The following SCEL variants were observed in gnomAD, a reference collection of about 807,000 sequenced individuals.
The protein encoded by SCEL is sciellin.
SCEL carries 113 observed loss-of-function variants against 117.6 expected under a neutral mutation model. The observed-to-expected ratio is 0.96, with a 90% CI of 0.83 to 1.12. SCEL has a LOEUF of 1.12. Among genes scored for constraint, SCEL ranks in the 50% most tolerant of loss-of-function variants. SCEL has a pLI of 0.00. For synonymous variants in SCEL, 270 were observed against 256.2 expected (o/e 1.05, Z -0.51); for missense variants, 785 against 810.8 (o/e 0.97, Z 0.39).
At chr13:77,593,295 T>TGTGTGTGCACGC (rs796907419) in intron 11 of SCEL, among the ~76,000 whole-genome samples, 2 of 136,886 alleles carry the variant, frequency 1.5e-5, no homozygotes, top group African/African-American at 5.6e-5. Context: ...TGTGTGTGTG[T>TGTGTGTGCACGC]GTCTGTGTGT....
chr13:77,634,581 C>CTA (rs1409675010), intron 29 of SCEL, 131 bp downstream of exon 29: 13 of 565,836 alleles, frequency 2.3e-5, no homozygotes, highest in East Asian at 8.8e-5. Context: ...ACATTGAGTT[C>CTA]TATATATATA....
intron 1 of SCEL, among the ~76,000 whole-genome samples, chr13:77,555,630 A>T (rs2084612030): frequency 6.6e-6 from 1 of 152,172 alleles, no homozygotes. Context: ...ATGATACAAC[A>T]CTGGAATCAC....
intron 27 of SCEL, among the ~76,000 whole-genome samples, chr13:77,622,272 A>G (rs1277414358): frequency 1.3e-5 from 2 of 152,200 alleles, no homozygotes; most frequent in African/African-American, 4.8e-5. Context: ...ATTGCTGCCT[A>G]TTAATAAATA....
In SCEL at chr13:77,645,085, ATTAT is replaced by A. The variant is rs749841570; in HGVS notation, c.*814_*817del. On this transcript the variant is annotated 3_prime_UTR_variant, in exon 33 of 33. Coordinates refer to ENST00000349847, the MANE Select transcript of SCEL (RefSeq NM_144777.3). ...ATATGACATGTATAGCTTACATGTT[ATTAT>A]TTGTTAAATTTTCTTTGTATACATT... 3.2e-5 allele frequency: 4 copies of A among 125,996 alleles called. No individual in the cohort carries two copies. The highest frequency in any genetic ancestry group is 3.2e-4 in the Admixed American group (4 of 12,654). The allele number at this position is 125,996 out of a possible 1,614,324, so 7.8% of individuals were successfully genotyped here.
intron 1 of SCEL, among the ~76,000 whole-genome samples, chr13:77,555,315 C>T (rs1242464008): frequency 1.3e-5 from 2 of 152,140 alleles, no homozygotes; most frequent in Non-Finnish European, 2.9e-5. Context: ...CTAAAATCAC[C>T]AGTGTTTCTC....
chr13:77,619,371 T>C (rs2089281709), intron 27 of SCEL, among the ~76,000 whole-genome samples: 1 of 152,188 alleles, frequency 6.6e-6, no homozygotes, highest in Non-Finnish European at 1.5e-5. Flanking sequence ...AAGAAGAAAC[T>C]ATAGTTCAAA....
rs150965497 is a variant in SCEL, at chr13:77,546,001, C to T, written c.-19-9856C>T. On this transcript the variant is annotated intron_variant, in intron 1 of 32. Transcript: ENST00000349847. ...CATTATAGTTTCCTTTCTCAGTTAGCTTGATCAATGGCCAGCACTGGACTA... is the reference window on the plus strand; with the variant it reads ...CATTATAGTTTCCTTTCTCAGTTAGTTTGATCAATGGCCAGCACTGGACTA... Among the ~76,000 whole-genome samples the T allele has an allele frequency of 2.4e-3, 370 of 152,316 alleles. 4 individuals are homozygous for T. Among genetic ancestry groups the T allele is most frequent in the African/African-American group, 8.5e-3 (353 of 41,566 alleles).
At chr13:77,556,783 T>C (rs1378355566) in intron 3 of SCEL, 70 bp downstream of exon 3, 40 of 1,077,706 alleles carry the variant, frequency 3.7e-5, no homozygotes, top group Non-Finnish European at 5.4e-5. Flanking sequence ...GGGAAGCTAA[T>C]GCTCATCTGA....
chr13:77,612,470 T>C (rs9600899), intron 22 of SCEL, among the ~76,000 whole-genome samples: 27,105 of 143,680 alleles, frequency 0.19, 3,220 homozygotes, highest in African/African-American at 0.31. Context: ...TTTTTTTTTT[T>C]TTTTTTTTTT....
intron 22 of SCEL, among the ~76,000 whole-genome samples, chr13:77,610,504 T>A (rs533522440): frequency 6.3e-4 from 94 of 150,312 alleles, no homozygotes; most frequent in African/African-American, 2.1e-3. Flanking sequence ...AGACAACCAA[T>A]GATGGGACCC....
intron 27 of SCEL, among the ~76,000 whole-genome samples, chr13:77,619,372 A>G (rs1037356257): frequency 2.0e-5 from 3 of 152,212 alleles, no homozygotes; most frequent in Admixed American, 2.0e-4. Flanking sequence ...AGAAGAAACT[A>G]TAGTTCAAAG....
intron 9 of SCEL, among the ~76,000 whole-genome samples, chr13:77,585,392 G>A (rs565549975): frequency 1.2e-3 from 183 of 152,294 alleles, no homozygotes; most frequent in African/African-American, 4.2e-3. Flanking sequence ...GCTCCACAGC[G>A]GGGAGAGAAT....
At position 77,593,933 on chromosome 13, in the gene SCEL, C is replaced by T. The variant is rs1157606746; in HGVS notation, c.752+360C>T. Among the ~76,000 whole-genome samples the T allele has an allele frequency of 3.3e-5, 5 of 152,172 alleles. No individual in the cohort carries two copies. The East Asian group carries it at 9.6e-4, about 29-fold the overall frequency. On this transcript the variant is annotated intron_variant, in intron 12 of 32. Coordinates refer to ENST00000349847, the MANE Select transcript of SCEL (RefSeq NM_144777.3). ...CCAAGGTCATATCCAAATTCCTTCC[C>T]AAATGTGCTGTTCCTCACTTCTCTG...
intron 9 of SCEL, among the ~76,000 whole-genome samples, chr13:77,576,414 T>C (rs1457124228): frequency 6.6e-6 from 1 of 152,132 alleles, no homozygotes; most frequent in Non-Finnish European, 1.5e-5. Flanking sequence ...AGCCATTAAA[T>C]ATTGATGCTC....
chr13:77,577,209 G>T (rs1267720113), intron 9 of SCEL, among the ~76,000 whole-genome samples: 1 of 152,108 alleles, frequency 6.6e-6, no homozygotes, highest in East Asian at 1.9e-4. Flanking sequence ...ATGGCCATGT[G>T]TATTACTCTG....
chr13:77,617,977 A>C, intron 26 of SCEL, 27 bp from the exon 27 acceptor site: 1 of 1,610,272 alleles, frequency 6.2e-7, no homozygotes, highest in Non-Finnish European at 8.5e-7. Flanking sequence ...ACCAATCTGA[A>C]CTTTTTTCTC....
chr13:77,565,416 T>A (rs1392733346), intron 5 of SCEL, among the ~76,000 whole-genome samples: 3 of 152,184 alleles, frequency 2.0e-5, no homozygotes, highest in Admixed American at 6.5e-5. Flanking sequence ...TTTTATACCC[T>A]CAAAAGCAGG....
intron 2 of SCEL, 124 bp from the exon 3 acceptor site, chr13:77,556,472 C>A: frequency 1.3e-6 from 1 of 759,290 alleles, no homozygotes; most frequent in South Asian, 1.5e-5. Flanking sequence ...TGAAACAGTA[C>A]TGGACTTGCC....
chr13:77,616,798 G>A (rs1291369166), intron 24 of SCEL, among the ~76,000 whole-genome samples: 1 of 147,868 alleles, frequency 6.8e-6, no homozygotes, highest in Non-Finnish European at 1.5e-5. Context: ...TAAGGAAAAA[G>A]CATTGTTGTG....
Sources: gnomAD v4.1 joint callset for allele counts (sites outside exome capture counted in the v4.1 genomes callset) on GRCh38, gnomAD v4.1.1 for gene constraint, MANE v1.5 for transcripts, NCBI Gene and HGNC (gene_info 2026-07-23, HGNC 2026-07-21) for gene names.